PCED1B: variants seen among roughly 807,000 people sequenced by gnomAD.
PCED1B encodes the protein PC-esterase domain containing 1B.
For missense variants in PCED1B, 573 were observed against 573.9 expected, an observed-to-expected ratio of 1.00 and a Z score of 0.02; for synonymous variants, 251 against 246.1, an observed-to-expected ratio of 1.02 and a Z score of -0.19.
At chr12:47,159,044 T>C (rs1281358455) in intron 2 of PCED1B, among the ~76,000 whole-genome samples, 1 of 151,962 alleles carries the variant, frequency 6.6e-6, no homozygotes, top group Non-Finnish European at 1.5e-5. Flanking sequence ...ATAAGTCCCA[T>C]TCCATTCATA....
intron 2 of PCED1B, among the ~76,000 whole-genome samples, chr12:47,186,389 G>A (rs909607125): frequency 1.1e-4 from 16 of 151,892 alleles, no homozygotes; most frequent in African/African-American, 2.9e-4. Flanking sequence ...TAGTTAATAC[G>A]TTTTGTTTTT....
chr12:47,102,941 T>C (rs1204099540), intron 1 of PCED1B, among the ~76,000 whole-genome samples: 1 of 152,190 alleles, frequency 6.6e-6, no homozygotes, highest in African/African-American at 2.4e-5. Context: ...GGAAAATATT[T>C]GTGAAGCAAG....
chr12:47,094,319 C>A (rs1938385791), intron 1 of PCED1B, among the ~76,000 whole-genome samples: 2 of 152,180 alleles, frequency 1.3e-5, no homozygotes, highest in South Asian at 4.2e-4. Context: ...TTAAACATTT[C>A]TTTTTATTAG....
Position 47,235,916 on chromosome 12 carries a change from C to A in PCED1B, c.853C>A (p.His285Asn). The A allele has an allele frequency of 6.2e-7, 1 of 1,608,470 alleles. No homozygotes were observed. The highest frequency in any genetic ancestry group is 8.5e-7 in the Non-Finnish European group (1 of 1,177,564). The part of the protein sequence containing the change: ...VEGPPQANRN[H>N]PALPLSPPLP... ...AGGGCCGCCCCAGGCCAACAGAAAT[C>A]ACCCGGCCTTACCTCTGTCCCCACC... The change falls in exon 4 of 4, where the codon CAC becomes AAC. Residue 285 changes from histidine (H) to asparagine (N), a missense_variant. Coordinates refer to ENST00000546455, the MANE Select transcript of PCED1B (RefSeq NM_138371.3).
At chr12:47,164,218 C>T (rs1025435723) in intron 2 of PCED1B, among the ~76,000 whole-genome samples, 1 of 152,290 alleles carries the variant, frequency 6.6e-6, no homozygotes, top group East Asian at 1.9e-4. Flanking sequence ...TTTCAAAAGT[C>T]TTAATGTGCT....
At position 47,235,952 on chromosome 12, in the gene PCED1B, C is replaced by T; in HGVS notation, c.889C>T (p.Pro297Ser). The change falls in exon 4 of 4, where the codon CCC (proline) becomes TCC (serine). Residue 297 changes from proline (P) to serine (S), a missense_variant. Transcript: ENST00000546455. ...ALPLSPPLPS[P>S]TYRPLLGFPP... ...ACCTCTGTCCCCACCCTTACCTTCCCCCACATACCGCCCCCTGCTTGGGTT... is the reference window on the plus strand; with the variant it reads ...ACCTCTGTCCCCACCCTTACCTTCCTCCACATACCGCCCCCTGCTTGGGTT... The T allele has an allele frequency of 6.2e-7, 1 of 1,612,514 alleles. No homozygotes were observed. The highest frequency in any genetic ancestry group is 8.5e-7 in the Non-Finnish European group (1 of 1,179,380).
intron 2 of PCED1B, among the ~76,000 whole-genome samples, chr12:47,163,698 A>T (rs1265027095): frequency 6.6e-6 from 1 of 152,088 alleles, no homozygotes. Context: ...CCCTTGTCTT[A>T]GTCCATTTGG....
At chr12:47,159,632 A>T (rs1420955534) in intron 2 of PCED1B, among the ~76,000 whole-genome samples, 1 of 151,808 alleles carries the variant, frequency 6.6e-6, no homozygotes, top group Non-Finnish European at 1.5e-5. Context: ...TATTCTGGAT[A>T]TTAGTCCTTT....
chr12:47,118,333 G>T (rs772507399), intron 2 of PCED1B, among the ~76,000 whole-genome samples: 2 of 152,150 alleles, frequency 1.3e-5, no homozygotes, highest in African/African-American at 4.8e-5. Context: ...AGTCTAACAT[G>T]TAAGTCTTTA....
chr12:47,095,592 T>C (rs191231368), intron 1 of PCED1B, among the ~76,000 whole-genome samples: 22 of 152,322 alleles, frequency 1.4e-4, no homozygotes, highest in Admixed American at 1.0e-3. Context: ...TCCATTCTTT[T>C]TTCTCTTCCT....
intron 3 of PCED1B, among the ~76,000 whole-genome samples, chr12:47,231,222 A>G (rs1943796468): frequency 6.6e-6 from 1 of 152,168 alleles, no homozygotes; most frequent in Non-Finnish European, 1.5e-5. Context: ...ATGTTTTATT[A>G]TTTTTTTACA....
intron 2 of PCED1B, among the ~76,000 whole-genome samples, chr12:47,212,081 A>C (rs1039572352): frequency 2.0e-5 from 3 of 151,264 alleles, no homozygotes; most frequent in African/African-American, 7.3e-5. Flanking sequence ...TCTCAAAAAA[A>C]AAAAAAAAAA....
chr12:47,233,303 G>A (rs767449212), intron 3 of PCED1B, among the ~76,000 whole-genome samples: 10 of 152,066 alleles, frequency 6.6e-5, no homozygotes, highest in Non-Finnish European at 1.5e-4. Flanking sequence ...CACCACGCCC[G>A]GCTAATTTTT....
chr12:47,211,329 A>C (rs1374997010), intron 2 of PCED1B, among the ~76,000 whole-genome samples: 3 of 152,154 alleles, frequency 2.0e-5, no homozygotes, highest in Non-Finnish European at 4.4e-5. Flanking sequence ...ACATCCAAAA[A>C]TATTAAGCTG....
intron 3 of PCED1B, among the ~76,000 whole-genome samples, chr12:47,225,591 A>G (rs1943610273): frequency 6.6e-6 from 1 of 152,256 alleles, no homozygotes; most frequent in South Asian, 2.1e-4. Context: ...GCTCATTAAA[A>G]ATAATTCTTT....
At position 47,235,169 on chromosome 12, in the gene PCED1B, C is replaced by T. The variant is rs761239238; in HGVS notation, c.106C>T (p.Leu36=). The change falls in exon 4 of 4, where the codon CTG becomes TTG. Residue 36 remains leucine (L), a synonymous_variant. Transcript: ENST00000546455. ...GGCAGTATACAAGGACCTGGTGCTT[C>T]TGCTGCAGAAGGACCGCCTGCTCAC... is the stretch of plus-strand genomic sequence containing the variant. ...HRAVYKDLVL[L]LQKDRLLTPG... 3 of 1,586,968 alleles carry T rather than the reference C, an allele frequency of 1.9e-6. No individual in the cohort carries two copies. Among genetic ancestry groups the T allele is most frequent in the Non-Finnish European group, 2.6e-6 (3 of 1,165,928 alleles).
chr12:47,114,906 C>G (rs368384055), intron 2 of PCED1B, among the ~76,000 whole-genome samples: 3 of 152,116 alleles, frequency 2.0e-5, no homozygotes, highest in African/African-American at 7.2e-5. Context: ...TCTGGAAATA[C>G]AGGTGGGAAG....
chr12:47,096,148 T>A (rs1179445143), intron 1 of PCED1B, among the ~76,000 whole-genome samples: 1 of 152,158 alleles, frequency 6.6e-6, no homozygotes, highest in Non-Finnish European at 1.5e-5. Flanking sequence ...CGTCTGTGCT[T>A]CAGTGTTCCA....
At chr12:47,222,256 C>A (rs1352537044) in intron 3 of PCED1B, among the ~76,000 whole-genome samples, 1 of 151,150 alleles carries the variant, frequency 6.6e-6, no homozygotes, top group Non-Finnish European at 1.5e-5. Flanking sequence ...CCCGTCTCTA[C>A]TAAAAATACA....
Sources: gnomAD v4.1 joint callset for allele counts (sites outside exome capture counted in the v4.1 genomes callset) on GRCh38, gnomAD v4.1.1 for gene constraint, MANE v1.5 for transcripts, NCBI Gene and HGNC (gene_info 2026-07-23, HGNC 2026-07-21) for gene names.